The following CLASP2 variants were observed in gnomAD, a reference collection of about 807,000 sequenced individuals.
CLASP2 encodes cytoplasmic linker associated protein 2.
A neutral mutation model predicts 194.4 loss-of-function variants in CLASP2; 47 were observed. That is an observed-to-expected ratio of 0.24 (90% CI 0.19 to 0.31). The LOEUF (loss-of-function observed/expected upper bound fraction) is 0.31. Ranked by LOEUF, CLASP2 falls within the 10% of genes least tolerant of loss-of-function variation. CLASP2 has a pLI of 1.00. For missense variants in CLASP2, 1,445 were observed against 1,823.6 expected (o/e 0.79, Z 3.78); for synonymous variants, 619 against 633.5 (o/e 0.98, Z 0.34).
intron 8 of CLASP2, among the ~76,000 whole-genome samples, chr3:33,639,891 C>G (rs1022696589): frequency 6.6e-6 from 1 of 152,174 alleles, no homozygotes; most frequent in East Asian, 1.9e-4. Flanking sequence ...CAAGAGGAAG[C>G]CCCTGACAGT....
At chr3:33,572,332 A>G (rs1387322786) in intron 25 of CLASP2, among the ~76,000 whole-genome samples, 2 of 152,222 alleles carry the variant, frequency 1.3e-5, no homozygotes, top group Non-Finnish European at 2.9e-5. Flanking sequence ...ATATGAACAC[A>G]TGAAAATATA....
chr3:33,522,846 G>A lies in CLASP2; in HGVS notation c.3788-5672C>T, dbSNP rs1310312144. Among the ~76,000 whole-genome samples, 6 of 152,224 alleles carry A rather than the reference G, an allele frequency of 3.9e-5. No homozygotes were observed. The East Asian group carries it at 9.7e-4, about 25-fold the overall frequency. ...AGCACTTTGGGAGGCTGAGGCGGGC[G>A]GATCACAAGGTCAGGAGATCGAGAC... On this transcript the variant is annotated intron_variant, in intron 34 of 38. Transcript: ENST00000682230.
chr3:33,528,628 G>A (rs1167058127), intron 34 of CLASP2, among the ~76,000 whole-genome samples: 2 of 152,102 alleles, frequency 1.3e-5, no homozygotes, highest in African/African-American at 4.8e-5. Context: ...CTGGAGTGGT[G>A]GTGTGTGCCT....
chr3:33,638,215 A>C (rs1490641776), intron 8 of CLASP2, among the ~76,000 whole-genome samples: 1 of 152,230 alleles, frequency 6.6e-6, no homozygotes, highest in Non-Finnish European at 1.5e-5. Flanking sequence ...CAGGGTGATG[A>C]GAGAGGCAAG....
At chr3:33,551,054 A>G (rs2059941390) in intron 30 of CLASP2, among the ~76,000 whole-genome samples, 198 bp downstream of exon 30, 1 of 152,240 alleles carries the variant, frequency 6.6e-6, no homozygotes, top group Non-Finnish European at 1.5e-5. Context: ...AAAGGCAGCT[A>G]CTTTTGATTC....
rs114238944 is a variant in CLASP2, at chr3:33,631,155, T to C, written c.942+1137A>G. On this transcript the variant is annotated intron_variant, in intron 9 of 38. Transcript: ENST00000682230. ...AAAGCAATGTGAGAATATTTTCAAA[T>C]AGACATGCTAAAGAGTATTCATACT... is the stretch of plus-strand genomic sequence containing the variant. Among the ~76,000 whole-genome samples, 230 of 152,254 alleles carry C rather than the reference T, an allele frequency of 1.5e-3. 1 individual carries two copies. Among genetic ancestry groups the C allele is most frequent in the African/African-American group, 5.2e-3 (215 of 41,550 alleles).
At chr3:33,571,039 G>A (rs1400341245) in intron 25 of CLASP2, among the ~76,000 whole-genome samples, 3 of 104,990 alleles carry the variant, frequency 2.9e-5, no homozygotes, top group Non-Finnish European at 6.1e-5. Flanking sequence ...TTTTTGAGAC[G>A]GAGTCTCGCT....
chr3:33,625,891 T>C (rs1041183207), intron 10 of CLASP2, among the ~76,000 whole-genome samples: 1 of 152,076 alleles, frequency 6.6e-6, no homozygotes, highest in African/African-American at 2.4e-5. Context: ...TGTGTCATTT[T>C]TCTAATAAAA....
At chr3:33,673,769 C>A (rs1181480563) in intron 6 of CLASP2, among the ~76,000 whole-genome samples, 4 of 151,874 alleles carry the variant, frequency 2.6e-5, no homozygotes, top group African/African-American at 9.7e-5. Flanking sequence ...AAACGGAAAA[C>A]AAAAAATGGC....
chr3:33,634,902 T>C (rs920677657), intron 8 of CLASP2, among the ~76,000 whole-genome samples: 4 of 152,180 alleles, frequency 2.6e-5, no homozygotes, highest in African/African-American at 9.6e-5. Context: ...GCAACGAAGT[T>C]AGAAATTTGA....
At chr3:33,675,048 A>G (rs2088241778) in intron 6 of CLASP2, among the ~76,000 whole-genome samples, 1 of 152,182 alleles carries the variant, frequency 6.6e-6, no homozygotes, top group Non-Finnish European at 1.5e-5. Flanking sequence ...AACTATTCCA[A>G]TCAATAGAAA....
Position 33,535,792 on chromosome 3 carries a change from T to A in CLASP2, c.3559-331A>T, listed in dbSNP as rs546966406. ...GCAACTTCTCCATGTCAGTTAAAGA[T>A]ACAAAAGAACTTTCATAAGCAATAC... On this transcript the variant is annotated intron_variant, in intron 33 of 38. Transcript: ENST00000682230. 6.6e-5 allele frequency among the ~76,000 whole-genome samples: 10 copies of A among 151,954 alleles called. No homozygotes were observed. In the East Asian group the frequency reaches 1.6e-3, roughly 24 times the overall value.
intron 1 of CLASP2, among the ~76,000 whole-genome samples, chr3:33,704,516 C>T (rs564012243): frequency 1.3e-5 from 2 of 152,196 alleles, no homozygotes; most frequent in South Asian, 2.1e-4. Flanking sequence ...CTTTGAGAGG[C>T]CAAAGCGGGT....
In CLASP2 at chr3:33,592,328, A is replaced by C. The variant is rs2068989700; in HGVS notation, c.2068+67T>G. 5 of 1,100,130 alleles carry C rather than the reference A, an allele frequency of 4.5e-6. No individual in the cohort carries two copies. In the South Asian group the frequency reaches 6.6e-5, roughly 14 times the overall value. 68.1% of individuals were successfully genotyped at this position (1,100,130 alleles called of 1,614,324 possible). A position where few individuals can be genotyped will look rare whatever the true frequency, so the allele number is the denominator to read the frequency against. ...CCACTGGTCAATCGTCTAATACAGT[A>C]ATACAAAAGCAACACACTTATCCTA... On this transcript the variant is annotated intron_variant, in intron 21 of 38. Coordinates refer to ENST00000682230, the MANE Select transcript of CLASP2 (RefSeq NM_001365631.1).
At chr3:33,589,544 T>C (rs547282828) in intron 21 of CLASP2, among the ~76,000 whole-genome samples, 1 of 152,226 alleles carries the variant, frequency 6.6e-6, no homozygotes, top group Middle Eastern at 3.4e-3. Context: ...GAATGGAACA[T>C]ATAGTCATTC....
intron 7 of CLASP2, among the ~76,000 whole-genome samples, chr3:33,649,973 C>A (rs1171243742): frequency 6.6e-6 from 1 of 151,990 alleles, no homozygotes; most frequent in Admixed American, 6.6e-5. Context: ...CAAATTATTC[C>A]CACAAATAAT....
intron 30 of CLASP2, among the ~76,000 whole-genome samples, chr3:33,547,075 T>C (rs1009626124): frequency 6.6e-6 from 1 of 152,256 alleles, no homozygotes; most frequent in African/African-American, 2.4e-5. Flanking sequence ...TTTTGGATGT[T>C]AATCTAACCT....
At chr3:33,566,523 C>A (rs2062765422) in intron 27 of CLASP2, among the ~76,000 whole-genome samples, 2 of 152,168 alleles carry the variant, frequency 1.3e-5, no homozygotes, top group South Asian at 4.1e-4. Context: ...TCAAATAGAA[C>A]AGAAGAACAT....
rs1316253997 is a variant in CLASP2 at position 33,717,828 on chromosome 3, C to T, written c.175G>A (p.Val59Met). ...GKTVDALTGW[V>M]GSSNYRVSLM... ...CTTACCCGGTAGTTGCTCGAACCCA[C>T]CCAGCCGGTGAGCGCGTCGACTGTC... The change falls in exon 1 of 39, where the codon GTG becomes ATG. Residue 59 changes from valine to methionine, a missense_variant. Physicochemically the swap from Val to Met is conservative, Grantham distance 21 (BLOSUM62 1). Transcript: ENST00000682230. The T allele has an allele frequency of 6.4e-7, 1 of 1,562,262 alleles. No homozygotes were observed.
Sources: gnomAD v4.1 joint callset for allele counts (sites outside exome capture counted in the v4.1 genomes callset) on GRCh38, gnomAD v4.1.1 for gene constraint, MANE v1.5 for transcripts, NCBI Gene and HGNC (gene_info 2026-07-23, HGNC 2026-07-21) for gene names.